Variants in COL11A1 observed in about 807,000 individuals in gnomAD.
COL11A1 encodes collagen alpha-1(XI) chain.
COL11A1 carries 74 observed loss-of-function variants against 265.2 expected under a neutral mutation model. The observed-to-expected ratio is 0.28, with a 90% CI of 0.23 to 0.34. COL11A1 has a LOEUF of 0.34. COL11A1 is among the 10% of genes least tolerant of loss of function. COL11A1 has a pLI of 1.00. For missense variants in COL11A1, 2,165 were observed against 2,263.6 expected (o/e 0.96, Z 0.88); for synonymous variants, 816 against 727.6 (o/e 1.12, Z -1.96).
At chr1:103,041,473 T>G (rs990917999) in intron 4 of COL11A1, among the ~76,000 whole-genome samples, 1 of 151,752 alleles carries the variant, frequency 6.6e-6, no homozygotes, top group African/African-American at 2.4e-5. Flanking sequence ...TATTTATTAT[T>G]TTAATTTTAT....
At position 103,026,197 on chromosome 1, in the gene COL11A1, G is replaced by A; in HGVS notation, c.897+19C>T. On this transcript the variant is annotated intron_variant, in intron 6 of 66. Transcript: ENST00000370096. The stretch of plus-strand genomic sequence containing the variant: ...CGAACAGCAGGACACCACATACACA[G>A]GCACTGCTTTGTTTTTACCTCCGTC... 1 of 1,523,654 alleles carries A rather than the reference G, an allele frequency of 6.6e-7. No individual in the cohort carries two copies. Among genetic ancestry groups the A allele is most frequent in the South Asian group, 1.1e-5 (1 of 89,290 alleles). The allele number at this position is 1,523,654 out of a possible 1,614,324, so 94.4% of individuals were successfully genotyped here. A position where few individuals can be genotyped will look rare whatever the true frequency, so the allele number is the denominator to read the frequency against.
In COL11A1 at chr1:103,068,007, T is replaced by C. The variant is rs536286782; in HGVS notation, c.651+6611A>G. On this transcript the variant is annotated intron_variant, in intron 4 of 66. Transcript: ENST00000370096. ...CTGAAATTTTCACTGGTTAATTCTA[T>C]CCAGTATTCAAGAAGGAAATAACAT... is the stretch of plus-strand genomic sequence containing the variant. Among the ~76,000 whole-genome samples the C allele has an allele frequency of 2.0e-5, 3 of 151,712 alleles. No homozygotes were observed. The South Asian group carries it at 6.2e-4, about 31-fold the overall frequency.
intron 31 of COL11A1, among the ~76,000 whole-genome samples, chr1:102,980,985 C>T (rs552197671): frequency 1.2e-4 from 18 of 152,218 alleles, no homozygotes; most frequent in African/African-American, 4.1e-4. Context: ...AATTTGAAAG[C>T]AGTGAATATT....
chr1:102,880,823 G>T (rs1451569244), intron 65 of COL11A1, among the ~76,000 whole-genome samples: 1 of 151,870 alleles, frequency 6.6e-6, no homozygotes, highest in Admixed American at 6.6e-5. Context: ...GAGTATTCTT[G>T]GGGGTTGAAG....
intron 54 of COL11A1, among the ~76,000 whole-genome samples, chr1:102,901,878 G>A (rs910451278): frequency 1.3e-5 from 2 of 152,080 alleles, no homozygotes; most frequent in African/African-American, 2.4e-5. Flanking sequence ...TCCAGAATGT[G>A]CTATGCATAT....
chr1:103,013,180 A>G (rs1444415481), intron 13 of COL11A1, among the ~76,000 whole-genome samples: 6 of 152,114 alleles, frequency 3.9e-5, no homozygotes, highest in Admixed American at 1.3e-4. Flanking sequence ...TAGATTTATC[A>G]CAAAGATATC....
At chr1:103,049,161 C>T (rs531044215) in intron 4 of COL11A1, among the ~76,000 whole-genome samples, 44 of 152,036 alleles carry the variant, frequency 2.9e-4, no homozygotes, top group African/African-American at 7.5e-4. Flanking sequence ...CCTTGTTAAC[C>T]TTCTGTCTCG....
intron 1 of COL11A1, among the ~76,000 whole-genome samples, chr1:103,087,694 G>A (rs111252443): frequency 0.029 from 4,402 of 152,222 alleles, 235 homozygotes; most frequent in African/African-American, 0.1. Flanking sequence ...CACCTCACCT[G>A]AAGGATAAGA....
intron 1 of COL11A1, among the ~76,000 whole-genome samples, chr1:103,091,454 T>A (rs1427574976): frequency 6.6e-6 from 1 of 152,104 alleles, no homozygotes; most frequent in Admixed American, 6.5e-5. Flanking sequence ...AATTACCAGA[T>A]GTTTGACTTG....
At chr1:102,973,093 A>T (rs761054353) in intron 36 of COL11A1, among the ~76,000 whole-genome samples, 1 of 152,088 alleles carries the variant, frequency 6.6e-6, no homozygotes, top group Non-Finnish European at 1.5e-5. Context: ...TCTTCTTTCT[A>T]TATCAAACAG....
chr1:103,030,878 C>T (rs978926211), intron 5 of COL11A1: 1 of 482,386 alleles, frequency 2.1e-6, no homozygotes, highest in Non-Finnish European at 3.8e-6. Context: ...TGTGCATATA[C>T]ACAGTATACA....
intron 4 of COL11A1, among the ~76,000 whole-genome samples, chr1:103,033,556 T>G (rs985813810): frequency 1.3e-5 from 2 of 151,776 alleles, no homozygotes; most frequent in African/African-American, 4.8e-5. Context: ...AAATTACATC[T>G]TTACATACTA....
At chr1:103,093,429 C>T (rs1673485364) in intron 1 of COL11A1, among the ~76,000 whole-genome samples, 1 of 151,862 alleles carries the variant, frequency 6.6e-6, no homozygotes, top group African/African-American at 2.4e-5. Flanking sequence ...TGAAACAGCC[C>T]TATTCTGGAA....
intron 3 of COL11A1, among the ~76,000 whole-genome samples, chr1:103,077,583 C>G (rs559468738): frequency 6.6e-6 from 1 of 151,790 alleles, no homozygotes; most frequent in South Asian, 2.1e-4. Context: ...GTGGTCCTGA[C>G]AAAAATATAA....
intron 4 of COL11A1, among the ~76,000 whole-genome samples, chr1:103,066,545 C>T (rs1485610894): frequency 1.4e-5 from 2 of 145,438 alleles, no homozygotes; most frequent in African/African-American, 5.1e-5. Flanking sequence ...TTCAAATAAA[C>T]CCTCAGCACC....
chr1:103,094,987 G>A (rs912505691), intron 1 of COL11A1, among the ~76,000 whole-genome samples: 2 of 151,906 alleles, frequency 1.3e-5, no homozygotes, highest in African/African-American at 4.8e-5. Context: ...CCATCACCAT[G>A]GCTCTCTTAA....
chr1:103,022,795 T>C lies in COL11A1; in HGVS notation c.1192A>G (p.Asn398Asp). 1 of 1,613,696 alleles carries C rather than the reference T, an allele frequency of 6.2e-7. No individual in the cohort carries two copies. The highest frequency in any genetic ancestry group is 8.5e-7 in the Non-Finnish European group (1 of 1,179,930). The change falls in exon 8 of 67, where the codon AAT becomes GAT. Residue 398 changes from asparagine to aspartate, a missense_variant. Asn to Asp is a conservative substitution (Grantham distance 23). Transcript: ENST00000370096. ...EYEDKPTSPPNEEFGPGVPAE... is the reference protein window; with the variant it reads ...EYEDKPTSPPDEEFGPGVPAE... ...GGTACACCTGGACCAAATTCTTCAT[T>C]AGGGGGGCTTGTTGGTTTATCTTCA...
chr1:103,043,883 T>A (rs113803018), intron 4 of COL11A1, among the ~76,000 whole-genome samples: 6,251 of 152,162 alleles, frequency 0.041, 221 homozygotes, highest in African/African-American at 0.092. Context: ...TAAGTAGCCT[T>A]GTATGTGCCA....
intron 46 of COL11A1, among the ~76,000 whole-genome samples, chr1:102,929,609 T>C (rs1046869889): frequency 2.6e-5 from 4 of 152,208 alleles, no homozygotes; most frequent in Admixed American, 6.5e-5. Context: ...TTTAAAGTAG[T>C]TTTTTCCAAT....
Sources: allele counts gnomAD v4.1 joint callset (sites outside exome capture counted in the v4.1 genomes callset), GRCh38; gene constraint gnomAD v4.1.1; transcripts MANE v1.5; gene names NCBI Gene and HGNC (gene_info 2026-07-23, HGNC 2026-07-21).